The following BLTP2 variants were observed in gnomAD, a reference collection of about 807,000 sequenced individuals.
BLTP2 encodes bridge-like lipid transfer protein family member 2, also known as U937-associated antigen.
the BLTP2 span, chr17:28,628,134 GA>G: frequency 1.3e-6 from 1 of 788,192 alleles, no homozygotes; most frequent in Non-Finnish European, 2.0e-6. Flanking sequence ...GGTGGCCTAA[GA>G]AGGAAAAATA....
chr17:28,630,621 C>A, the BLTP2 span, among the ~76,000 whole-genome samples: 1 of 152,026 alleles, frequency 6.6e-6, no homozygotes, highest in Non-Finnish European at 1.5e-5. Flanking sequence ...GCTGGAACTA[C>A]GGTCATGTAC....
chr17:28,621,951 G>A, the BLTP2 span, among the ~76,000 whole-genome samples: 2 of 152,188 alleles, frequency 1.3e-5, no homozygotes, highest in Non-Finnish European at 2.9e-5. Context: ...TGAAGTCAGA[G>A]TGAATAACAT....
chr17:28,616,232 T>G, the BLTP2 span: 1 of 1,603,496 alleles, frequency 6.2e-7, no homozygotes, highest in South Asian at 1.1e-5. This position sits in a 1 kb window ranked among gnomAD's most constrained non-coding sequence, Gnocchi z 4.8. Context: ...GAGCCCTGAA[T>G]CCATCAGAAG....
At chr17:28,640,144 C>T in the BLTP2 span, 2 of 1,165,404 alleles carry the variant, frequency 1.7e-6, no homozygotes, top group Non-Finnish European at 2.4e-6. Context: ...CTTGTAATCC[C>T]AGCCCTTTGG....
chr17:28,642,968 T>A, the BLTP2 span: 3 of 1,599,864 alleles, frequency 1.9e-6, no homozygotes, highest in Non-Finnish European at 2.6e-6. Flanking sequence ...GTTTATAGCA[T>A]CTACATGAAT....
At chr17:28,628,521 T>C in the BLTP2 span, 70 of 1,613,990 alleles carry the variant, frequency 4.3e-5, 2 homozygotes, top group South Asian at 7.4e-4. Flanking sequence ...GCAGCTGATG[T>C]GTATGAAAGG....
chr17:28,631,161 C>G, the BLTP2 span, among the ~76,000 whole-genome samples: 14 of 152,042 alleles, frequency 9.2e-5, no homozygotes, highest in Non-Finnish European at 1.9e-4. Flanking sequence ...CATAAGGTCA[C>G]GAGGGTGGGG....
the BLTP2 span, chr17:28,623,847 G>A: frequency 1.9e-6 from 3 of 1,614,102 alleles, no homozygotes; most frequent in Non-Finnish European, 2.5e-6. Context: ...GGCAAGTCCA[G>A]GATGTCTTTT....
the BLTP2 span, among the ~76,000 whole-genome samples, chr17:28,622,547 T>C: frequency 6.6e-6 from 1 of 152,204 alleles, no homozygotes; most frequent in Non-Finnish European, 1.5e-5. Context: ...CCCAGTACAA[T>C]GTGGACACTT....
the BLTP2 span, chr17:28,637,951 T>C: frequency 8.7e-6 from 14 of 1,614,114 alleles, no homozygotes; most frequent in African/African-American, 1.3e-5. Context: ...ACTTCCCAGA[T>C]TGTGGACCCA....
chr17:28,637,051 A>G, the BLTP2 span: 5 of 1,613,900 alleles, frequency 3.1e-6, no homozygotes, highest in Non-Finnish European at 4.2e-6. Context: ...GCCTTGCAAC[A>G]GGGTTGCATC....
chr17:28,635,510 TTAG>T, the BLTP2 span: 30 of 1,614,146 alleles, frequency 1.9e-5, no homozygotes, highest in Non-Finnish European at 2.5e-5. Context: ...ACAGTGGCTC[TTAG>T]TAGGTCTCGG....
chr17:28,633,868 C>G, the BLTP2 span: 4 of 1,611,540 alleles, frequency 2.5e-6, no homozygotes, highest in Non-Finnish European at 3.4e-6. Flanking sequence ...GTCCCTCAGC[C>G]AAACCAACTG....
At chr17:28,638,533 T>A in the BLTP2 span, 2 of 1,609,168 alleles carry the variant, frequency 1.2e-6, no homozygotes, top group South Asian at 1.1e-5. Flanking sequence ...CCCAGAGAGA[T>A]AGAATTGAAT....
chr17:28,616,880 C>T, the BLTP2 span: 1 of 1,611,026 alleles, frequency 6.2e-7, no homozygotes, highest in Admixed American at 1.7e-5. This position sits in a 1 kb window ranked among gnomAD's most constrained non-coding sequence, Gnocchi z 4.8. Context: ...TAAGGGACTG[C>T]TTACTAACCT....
chr17:28,628,456 C>A, the BLTP2 span: 1 of 1,614,106 alleles, frequency 6.2e-7, no homozygotes, highest in Non-Finnish European at 8.5e-7. Flanking sequence ...ATCATATAAC[C>A]CAAAGGCAAT....
At chr17:28,616,432 G>A in the BLTP2 span, 1 of 1,614,168 alleles carries the variant, frequency 6.2e-7, no homozygotes, top group Non-Finnish European at 8.5e-7. This position sits in a 1 kb window ranked among gnomAD's most constrained non-coding sequence, Gnocchi z 4.8. Context: ...GTCAAACCCT[G>A]TGCCACACCC....
At chr17:28,633,976 T>C in the BLTP2 span, 1 of 1,614,118 alleles carries the variant, frequency 6.2e-7, no homozygotes, top group Non-Finnish European at 8.5e-7. Flanking sequence ...AAGTGCAAGA[T>C]CTGACGCCGA....
chr17:28,615,882 A>G, the BLTP2 span: 1 of 1,455,258 alleles, frequency 6.9e-7, no homozygotes, highest in Non-Finnish European at 9.5e-7. Flanking sequence ...CAGCCACTTG[A>G]GTGCCAAGTC....
Sources: allele counts gnomAD v4.1 joint callset (sites outside exome capture counted in the v4.1 genomes callset), GRCh38; gene constraint gnomAD v4.1.1; non-coding constraint Gnocchi (gnomAD v3.1); transcripts MANE v1.5; gene names NCBI Gene and HGNC (gene_info 2026-07-23, HGNC 2026-07-21).